Variants in GCKR observed in about 807,000 individuals in gnomAD.
GCKR encodes the protein glucokinase regulatory protein.
In GCKR, 73 loss-of-function variants were observed where a neutral mutation model predicts 82.9. The observed-to-expected ratio is 0.88, with a 90% CI of 0.73 to 1.07. The LOEUF (loss-of-function observed/expected upper bound fraction) is 1.07. GCKR is among the 50% of genes least tolerant of loss of function. The pLI is 0.00. For synonymous variants in GCKR, 294 were observed against 291.8 expected, an observed-to-expected ratio of 1.01 and a Z score of -0.08; for missense variants, 784 against 782.1, an observed-to-expected ratio of 1.00 and a Z score of -0.03.
rs746587914 is a variant in GCKR, at chr2:27,499,223, CT to C, written c.495+16del. On this transcript the variant is annotated intron_variant, in intron 6 of 18. Coordinates refer to ENST00000264717, the MANE Select transcript of GCKR (RefSeq NM_001486.4). ...AACTGAAGAAGGTCTGTGCTTTTCA[CT>C]GACATTGACCAGAGACCTCTATCTG... 6.3e-7 allele frequency: 1 copy of C among 1,580,300 alleles called. No homozygotes were observed.
At chr2:27,498,111 A>G (rs1190751785) in intron 3 of GCKR, 144 bp from the exon 4 acceptor site, 1 of 680,404 alleles carries the variant, frequency 1.5e-6, no homozygotes, top group Non-Finnish European at 2.6e-6. Context: ...TTGCTACACT[A>G]CATTGCATGT....
At chr2:27,522,897 G>GTT (rs34507360) in intron 18 of GCKR, among the ~76,000 whole-genome samples, 17 of 134,964 alleles carry the variant, frequency 1.3e-4, no homozygotes, top group East Asian at 2.1e-4. Flanking sequence ...CCAGGGTTCT[G>GTT]TTTTTTTTTT....
In GCKR at chr2:27,499,222, A is replaced by G; in HGVS notation, c.495+14A>G. The stretch of plus-strand genomic sequence containing the variant: ...GAACTGAAGAAGGTCTGTGCTTTTC[A>G]CTGACATTGACCAGAGACCTCTATC... On this transcript the variant is annotated intron_variant, in intron 6 of 18. Coordinates refer to ENST00000264717, the MANE Select transcript of GCKR (RefSeq NM_001486.4). The G allele has an allele frequency of 1.3e-6, 2 of 1,579,578 alleles. No homozygotes were observed. Among genetic ancestry groups the G allele is most frequent in the Non-Finnish European group, 8.7e-7 (1 of 1,148,888 alleles).
Position 27,498,738 on chromosome 2 carries a change from G to A in GCKR, c.369G>A (p.Gln123=). The A allele has an allele frequency of 6.2e-7, 1 of 1,603,668 alleles. No homozygotes were observed. Among genetic ancestry groups the A allele is most frequent in the South Asian group, 1.1e-5 (1 of 90,860 alleles). ...MAFLMSVSFN[Q]LMKGLGQKPL... is the part of the protein sequence containing the mutation. ...CTGCTTGACAGGTGTCCTTTAATCA[G>A]CTGATGAAAGGTCTGGGACAGAAAC... is the stretch of plus-strand genomic sequence containing the variant. The change falls in exon 5 of 19, where the codon CAG becomes CAA. Residue 123 remains glutamine (Q), a synonymous_variant. Coordinates refer to ENST00000264717, the MANE Select transcript of GCKR (RefSeq NM_001486.4).
intron 16 of GCKR, 75 bp from the exon 17 acceptor site, chr2:27,518,713 A>G (rs778903355): frequency 8.3e-7 from 1 of 1,210,910 alleles, no homozygotes; most frequent in Non-Finnish European, 1.2e-6. Flanking sequence ...TTCCTGTCTG[A>G]TAACAGGGCC....
chr2:27,501,103 C>T (rs768096361), intron 7 of GCKR, 32 bp from the exon 8 acceptor site: 16 of 1,459,464 alleles, frequency 1.1e-5, no homozygotes, highest in Non-Finnish European at 1.4e-5. Flanking sequence ...TAATGACCCC[C>T]TCATCATGCC....
chr2:27,501,527 G>A (rs1424341822), intron 8 of GCKR, among the ~76,000 whole-genome samples: 3 of 152,196 alleles, frequency 2.0e-5, no homozygotes, highest in Non-Finnish European at 2.9e-5. Flanking sequence ...TAAAATGGAG[G>A]ATAAAATGGG....
intron 9 of GCKR, among the ~76,000 whole-genome samples, chr2:27,505,264 C>T (rs1285213888): frequency 6.7e-6 from 1 of 150,358 alleles, no homozygotes; most frequent in Non-Finnish European, 1.5e-5. Context: ...GGCATGGTGG[C>T]GGGCGCCTGT....
intron 16 of GCKR, among the ~76,000 whole-genome samples, chr2:27,517,003 G>A (rs1378217046): frequency 7.0e-6 from 1 of 143,772 alleles, no homozygotes; most frequent in Non-Finnish European, 1.5e-5. Flanking sequence ...AGGACCACGT[G>A]TATTAGTACC....
chr2:27,520,853 T>C (rs1322846398), intron 17 of GCKR, among the ~76,000 whole-genome samples: 3 of 151,820 alleles, frequency 2.0e-5, no homozygotes, highest in African/African-American at 7.3e-5. Flanking sequence ...CTGGCCAACA[T>C]GGTGAAACCC....
In GCKR at chr2:27,523,496, G is replaced by A. The variant is rs542075314; in HGVS notation, c.*57G>A. 126 of 1,543,720 alleles carry A rather than the reference G, an allele frequency of 8.2e-5. No individual in the cohort carries two copies. The Admixed American group carries it at 1.8e-3, about 22-fold the overall frequency. The stretch of plus-strand genomic sequence containing the variant: ...AACCCTGCCCACTTCAGCCCAGCCC[G>A]CCCAAGGGGACTTGTGCCAGCAGAA... On this transcript the variant is annotated 3_prime_UTR_variant, in exon 19 of 19. Coordinates refer to ENST00000264717, the MANE Select transcript of GCKR (RefSeq NM_001486.4).
chr2:27,500,107 G>A (rs1338680965), intron 7 of GCKR, among the ~76,000 whole-genome samples: 1 of 148,882 alleles, frequency 6.7e-6, no homozygotes, highest in East Asian at 2.0e-4. Flanking sequence ...TGTCGTTGTT[G>A]TTTTTGAGAG....
chr2:27,509,588 C>T (rs1423884939), intron 16 of GCKR: 9 of 425,452 alleles, frequency 2.1e-5, no homozygotes, highest in South Asian at 8.3e-5. Flanking sequence ...GTGATCCACC[C>T]GCCTTAGCCT....
intron 8 of GCKR, 133 bp downstream of exon 8, chr2:27,501,362 G>A: frequency 1.4e-6 from 1 of 729,332 alleles, no homozygotes; most frequent in Non-Finnish European, 2.5e-6. Context: ...GTAAATATGG[G>A]GTGCCCCTAA....
At position 27,523,380 on chromosome 2, in the gene GCKR, G is replaced by C; in HGVS notation, c.1819G>C (p.Gly607Arg). The change falls in exon 19 of 19, where the codon GGG (glycine) becomes CGG (arginine). Residue 607 changes from glycine to arginine, a missense_variant. Transcript: ENST00000264717. Reference sequence around the variant, plus strand: ...TGAGGCTGTCAGGAGTGCTCTTGCTGGGCCAGGTCAGAAGCGCACTGCGGA... The same window carrying C: ...TGAGGCTGTCAGGAGTGCTCTTGCTCGGCCAGGTCAGAAGCGCACTGCGGA... Reference protein sequence around the residue: ...VCEAVRSALAGPGQKRTADPL... With the variant: ...VCEAVRSALARPGQKRTADPL... The C allele has an allele frequency of 6.2e-7, 1 of 1,612,216 alleles. No homozygotes were observed. The highest frequency in any genetic ancestry group is 1.1e-5 in the South Asian group (1 of 91,080).
At chr2:27,498,616 C>G in intron 4 of GCKR, 108 bp from the exon 5 acceptor site, 1 of 774,228 alleles carries the variant, frequency 1.3e-6, no homozygotes, top group Admixed American at 1.9e-5. Flanking sequence ...GGGTTAAGCA[C>G]TGGTCTAAGA....
At chr2:27,512,293 T>C (rs1273605674) in intron 16 of GCKR, among the ~76,000 whole-genome samples, 1 of 143,016 alleles carries the variant, frequency 7.0e-6, no homozygotes, top group Non-Finnish European at 1.5e-5. Context: ...ATCCCAGTAC[T>C]TTGGGAGGCT....
chr2:27,509,577 A>G, intron 16 of GCKR: 1 of 437,086 alleles, frequency 2.3e-6, no homozygotes, highest in Non-Finnish European at 4.7e-6. Flanking sequence ...CCTAGACTCA[A>G]GTGATCCACC....
chr2:27,499,312 G>T (rs951975316), intron 6 of GCKR, 85 bp from the exon 7 acceptor site: 1 of 1,359,904 alleles, frequency 7.4e-7, no homozygotes, highest in Non-Finnish European at 1.1e-6. Context: ...TCCCTCCCCT[G>T]TTCCTGGCCC....
Sources: gnomAD v4.1 joint callset for allele counts (sites outside exome capture counted in the v4.1 genomes callset) on GRCh38, gnomAD v4.1.1 for gene constraint, MANE v1.5 for transcripts, NCBI Gene and HGNC (gene_info 2026-07-23, HGNC 2026-07-21) for gene names.